The following TNFAIP8 variants were observed in gnomAD, a reference collection of about 807,000 sequenced individuals.
TNFAIP8 encodes tumor necrosis factor alpha-induced protein 8.
A neutral mutation model predicts 13.3 loss-of-function variants in TNFAIP8; 7 were observed. The ratio of observed to expected loss-of-function variants is 0.52; its 90% CI spans 0.30 to 0.99. TNFAIP8 has a LOEUF of 0.99. Among genes scored for constraint, TNFAIP8 ranks in the 50% least tolerant of loss-of-function variants. The pLI, the probability that TNFAIP8 is intolerant of heterozygous loss-of-function variation, is 0.07. For synonymous variants in TNFAIP8, 94 were observed against 87.6 expected, an observed-to-expected ratio of 1.07 and a Z score of -0.41; for missense variants, 258 against 236.9, an observed-to-expected ratio of 1.09 and a Z score of -0.58.
chr5:119,333,602 T>C (rs1398041750), intron 1 of TNFAIP8: 1 of 1,535,512 alleles, frequency 6.5e-7, no homozygotes, highest in Non-Finnish European at 8.7e-7. Context: ...GTCCTTCTGA[T>C]TGCACACGGG....
At chr5:119,346,361 T>A (rs1034222091) in intron 1 of TNFAIP8, among the ~76,000 whole-genome samples, 1 of 151,934 alleles carries the variant, frequency 6.6e-6, no homozygotes, top group Non-Finnish European at 1.5e-5. Context: ...GCAGAAAGAG[T>A]GTACCGGAAC....
chr5:119,334,997 C>T (rs184725035), intron 1 of TNFAIP8, among the ~76,000 whole-genome samples: 23 of 152,144 alleles, frequency 1.5e-4, no homozygotes, highest in Admixed American at 7.8e-4. Context: ...CATTTGAGAA[C>T]GAACTGTAAA....
intron 1 of TNFAIP8, among the ~76,000 whole-genome samples, chr5:119,309,636 G>T (rs1749671727): frequency 6.6e-6 from 1 of 152,194 alleles, no homozygotes; most frequent in Non-Finnish European, 1.5e-5. Context: ...AAGCATCGGT[G>T]TTCAGACTAT....
At chr5:119,281,622 C>A (rs1390906155) in intron 1 of TNFAIP8, among the ~76,000 whole-genome samples, 1 of 152,154 alleles carries the variant, frequency 6.6e-6, no homozygotes, top group African/African-American at 2.4e-5. Context: ...TTGGCATATG[C>A]CATACTAATT....
intron 1 of TNFAIP8, among the ~76,000 whole-genome samples, chr5:119,314,154 C>T (rs1476158601): frequency 6.7e-6 from 1 of 148,444 alleles, no homozygotes; most frequent in Non-Finnish European, 1.5e-5. Context: ...GGCAATATAG[C>T]GAGATGCTGT....
chr5:119,329,132 G>T (rs1369979153), intron 1 of TNFAIP8, among the ~76,000 whole-genome samples: 3 of 152,226 alleles, frequency 2.0e-5, no homozygotes, highest in Non-Finnish European at 4.4e-5. Flanking sequence ...TTCTGGGCGT[G>T]CCTTTCAGCC....
chr5:119,302,025 C>G (rs1749410766), intron 1 of TNFAIP8, among the ~76,000 whole-genome samples: 1 of 152,214 alleles, frequency 6.6e-6, no homozygotes, highest in Admixed American at 6.5e-5. Context: ...TTTCCAAGGT[C>G]CTGTCATGCT....
intron 1 of TNFAIP8, among the ~76,000 whole-genome samples, chr5:119,357,459 A>G (rs981656461): frequency 1.3e-5 from 2 of 152,190 alleles, no homozygotes; most frequent in Non-Finnish European, 1.5e-5. Context: ...CTCAAGGGTG[A>G]ACTTCTGTGT....
At position 119,397,696 on chromosome 5, in the gene TNFAIP8, GC is replaced by G. The variant is rs1753107205; in HGVS notation, c.*4316del. ...GAAGCATTAACCAGAAAATGAGTCA[GC>G]TTTTTGTTTCCAAAATGATGCAACA... On this transcript the variant is annotated 3_prime_UTR_variant, in exon 2 of 2. Transcript: ENST00000504771. 1 of 152,164 alleles carries G rather than the reference GC, an allele frequency of 6.6e-6. No individual in the cohort carries two copies. The highest frequency in any genetic ancestry group is 2.4e-5 in the African/African-American group (1 of 41,438). 9.4% of individuals were successfully genotyped at this position (152,164 alleles called of 1,614,324 possible).
chr5:119,362,521 C>T (rs1751674034), intron 1 of TNFAIP8, among the ~76,000 whole-genome samples: 2 of 152,224 alleles, frequency 1.3e-5, no homozygotes, highest in Non-Finnish European at 2.9e-5. Flanking sequence ...TAAGGCTAGG[C>T]ACAATGGCTC....
At chr5:119,371,634 C>G (rs1378357228) in intron 1 of TNFAIP8, among the ~76,000 whole-genome samples, 3 of 152,106 alleles carry the variant, frequency 2.0e-5, no homozygotes, top group African/African-American at 7.2e-5. Context: ...ATTTTTTTCT[C>G]TAAGCATGTA....
chr5:119,281,320 A>ACACACACACACACACC (rs1748623513), intron 1 of TNFAIP8, among the ~76,000 whole-genome samples: 1 of 147,022 alleles, frequency 6.8e-6, no homozygotes, highest in Non-Finnish European at 1.5e-5. Flanking sequence ...TCTCTCTCTC[A>ACACACACACACACACC]CACTTACATG....
At chr5:119,298,475 A>C (rs1206905852) in intron 1 of TNFAIP8, among the ~76,000 whole-genome samples, 4 of 151,384 alleles carry the variant, frequency 2.6e-5, no homozygotes, top group East Asian at 3.9e-4. Context: ...CCGAGAGATC[A>C]GCTGTTAGTC....
intron 1 of TNFAIP8, among the ~76,000 whole-genome samples, chr5:119,328,579 C>T (rs570894826): frequency 1.3e-5 from 2 of 152,220 alleles, no homozygotes; most frequent in South Asian, 4.1e-4. Flanking sequence ...AGTAAGTGAC[C>T]ACCCAAACCA....
chr5:119,368,328 C>CT (rs1751942963), intron 1 of TNFAIP8, among the ~76,000 whole-genome samples: 1 of 151,378 alleles, frequency 6.6e-6, no homozygotes, highest in Non-Finnish European at 1.5e-5. Context: ...TAAGTTCATA[C>CT]TTTTTTTGCT....
intron 1 of TNFAIP8, among the ~76,000 whole-genome samples, chr5:119,304,424 C>T (rs1749491069): frequency 6.6e-6 from 1 of 152,212 alleles, no homozygotes. Context: ...TCACTCTGTG[C>T]TTTTGCCATT....
intron 1 of TNFAIP8, among the ~76,000 whole-genome samples, chr5:119,298,246 G>A (rs1270386807): frequency 2.6e-5 from 4 of 151,620 alleles, no homozygotes; most frequent in South Asian, 2.1e-4. Flanking sequence ...GGCTGGTACC[G>A]GTTGTTCCTT....
chr5:119,292,153 A>C (rs1749007255), intron 1 of TNFAIP8, among the ~76,000 whole-genome samples: 1 of 152,048 alleles, frequency 6.6e-6, no homozygotes, highest in East Asian at 1.9e-4. Flanking sequence ...TAGGGGTGGG[A>C]AAGTCTGCAG....
chr5:119,311,183 T>C (rs893064266), intron 1 of TNFAIP8, among the ~76,000 whole-genome samples: 1 of 152,072 alleles, frequency 6.6e-6, no homozygotes, highest in African/African-American at 2.4e-5. Context: ...TCACCACACC[T>C]GGCTAATTTT....
Sources: allele counts gnomAD v4.1 joint callset (sites outside exome capture counted in the v4.1 genomes callset), GRCh38; gene constraint gnomAD v4.1.1; transcripts MANE v1.5; gene names NCBI Gene and HGNC (gene_info 2026-07-23, HGNC 2026-07-21).